Variants in CCDC17 observed in about 807,000 individuals in gnomAD.
CCDC17 encodes the protein coiled-coil domain-containing protein 17.
In CCDC17, 79 loss-of-function variants were observed where a neutral mutation model predicts 68.0. That is an observed-to-expected ratio of 1.16 (90% CI 0.97 to 1.40). CCDC17 has a LOEUF of 1.40. Ranked by LOEUF, CCDC17 falls within the 40% of genes most tolerant of loss-of-function variation. The pLI, the probability that CCDC17 is intolerant of heterozygous loss-of-function variation, is 0.00. For synonymous variants in CCDC17, 376 were observed against 337.5 expected (o/e 1.11, Z -1.25); for missense variants, 846 against 811.5 (o/e 1.04, Z -0.52).
Position 45,623,307 on chromosome 1 carries a change from T to C in CCDC17, c.403A>G (p.Ser135Gly). 6.5e-7 allele frequency: 1 copy of C among 1,549,956 alleles called. No homozygotes were observed. Among genetic ancestry groups the C allele is most frequent in the Non-Finnish European group, 8.7e-7 (1 of 1,146,888 alleles). ...CTGAACAGCGCCCGCAGCCGCTCGC[T>C]GGGGCTTCCCACCGCCTCGGACATG... ...SPMSEAVGSPSERLRALFRTR... is the reference protein window; with the variant it reads ...SPMSEAVGSPGERLRALFRTR... The change falls in exon 3 of 13, where the codon AGC becomes GGC. Residue 135 changes from serine to glycine, a missense_variant. Ser to Gly is a moderately conservative substitution (Grantham distance 56). Coordinates refer to ENST00000528266, the MANE Select transcript of CCDC17 (RefSeq NM_001114938.3).
Position 45,622,615 on chromosome 1 carries a change from C to T in CCDC17, c.793G>A (p.Gly265Ser), listed in dbSNP as rs1170413422. The T allele has an allele frequency of 2.6e-6, 4 of 1,556,800 alleles. No individual in the cohort carries two copies. In the African/African-American group the frequency reaches 4.1e-5, roughly 16 times the overall value. Residue 265 changes from glycine to serine, a missense_variant, in exon 6 of 13, where the codon GGC (glycine) becomes AGC (serine). Gly to Ser is a moderately conservative substitution (Grantham distance 56). Coordinates refer to ENST00000528266, the MANE Select transcript of CCDC17 (RefSeq NM_001114938.3). ...TCCACCTGCAACTGCCATATCTGGC[C>T]CAGCACGCCGGGGTCCCGGCCCCCG... ...RDGGRDPGVLGQIWQLQVEAS... is the reference protein window; with the variant it reads ...RDGGRDPGVLSQIWQLQVEAS...
At position 45,623,541 on chromosome 1, in the gene CCDC17, A is replaced by G. The variant is rs1277504498; in HGVS notation, c.270+16T>C. 3.9e-6 allele frequency: 6 copies of G among 1,548,538 alleles called. No homozygotes were observed. Among genetic ancestry groups the G allele is most frequent in the Non-Finnish European group, 5.2e-6 (6 of 1,146,814 alleles). On this transcript the variant is annotated intron_variant, in intron 2 of 12. Transcript: ENST00000528266. ...GCTCAACGTTTTGAGCCCTGGGGGA[A>G]GGTAGGTAGCTCTACCTCCTCTGTT... is the stretch of plus-strand genomic sequence containing the variant.
chr1:45,622,645 G>T lies in CCDC17; in HGVS notation c.763C>A (p.Arg255=). The T allele has an allele frequency of 6.4e-7, 1 of 1,556,080 alleles. No individual in the cohort carries two copies. Among genetic ancestry groups the T allele is most frequent in the Admixed American group, 1.9e-5 (1 of 51,482 alleles). The change falls in exon 6 of 13, where the codon CGA becomes AGA. Residue 255 remains arginine, a synonymous_variant. Coordinates refer to ENST00000528266, the MANE Select transcript of CCDC17 (RefSeq NM_001114938.3). Reference sequence around the variant, plus strand: ...ACGCCGGGGTCCCGGCCCCCGTCTCGAATGTAGGCCTCCCGCAGCGCCCTA... The same window carrying T: ...ACGCCGGGGTCCCGGCCCCCGTCTCTAATGTAGGCCTCCCGCAGCGCCCTA... ...EIRALREAYI[R]DGGRDPGVLG...
At position 45,620,749 on chromosome 1, in the gene CCDC17, C is replaced by G; in HGVS notation, c.1684G>C (p.Val562Leu). Residue 562 changes from valine to leucine, a missense_variant, in exon 12 of 13, where the codon GTC becomes CTC. By Grantham distance (32) the Val-to-Leu change is conservative. Coordinates refer to ENST00000528266, the MANE Select transcript of CCDC17 (RefSeq NM_001114938.3). ...GGAGGTGGGTACTGGTACTCATGGA[C>G]ACTTGCTGGATTGATCTCTGCCAGT... ...QTLAEINPASVHEYQYPPPVS... is the reference protein window; with the variant it reads ...QTLAEINPASLHEYQYPPPVS... 14 of 1,608,324 alleles carry G rather than the reference C, an allele frequency of 8.7e-6. No homozygotes were observed. Among genetic ancestry groups the G allele is most frequent in the Non-Finnish European group, 1.1e-5 (13 of 1,177,374 alleles).
rs1171146402 is a variant in CCDC17 at position 45,621,462 on chromosome 1, CAT to C, written c.1205_1206del (p.Tyr402Ter). 6.3e-7 allele frequency: 1 copy of C among 1,591,028 alleles called. No homozygotes were observed. The highest frequency in any genetic ancestry group is 8.6e-7 in the Non-Finnish European group (1 of 1,169,324). On this transcript the variant is annotated frameshift_variant, in exon 10 of 13. Coordinates refer to ENST00000528266, the MANE Select transcript of CCDC17 (RefSeq NM_001114938.3). LOFTEE classifies it high-confidence loss of function. ...YDPGAGLVIF[Y>X]DFLRGLEASW... is the part of the protein sequence containing the mutation. ...GAAGCCTCAAGGCCCCGCAGGAAAT[CAT>C]AGAAAATGACCAGGCCAGCCCTGGG...
At position 45,622,830 on chromosome 1, in the gene CCDC17, G is replaced by C. The variant is rs964533115; in HGVS notation, c.661C>G (p.Pro221Ala). 6.3e-7 allele frequency: 1 copy of C among 1,596,862 alleles called. No individual in the cohort carries two copies. The highest frequency in any genetic ancestry group is 2.3e-5 in the East Asian group (1 of 44,146). ...IQELQAEPGN[P>A]LSSRREAELY... ...TCTGCCTCTCGCCGGGAGCTCAGCG[G>C]GTTCCTGGGGTGGCAGGCGACGCGC... The change falls in exon 5 of 13, where the codon CCG becomes GCG. Residue 221 changes from proline to alanine, a missense_variant. Pro to Ala is a conservative substitution (Grantham distance 27, BLOSUM62 -1). Coordinates refer to ENST00000528266, the MANE Select transcript of CCDC17 (RefSeq NM_001114938.3).
At position 45,621,416 on chromosome 1, in the gene CCDC17, C is replaced by T. The variant is rs1644251545; in HGVS notation, c.1253G>A (p.Arg418Lys). The change falls in exon 10 of 13, where the codon AGG (arginine) becomes AAG (lysine). Residue 418 changes from arginine to lysine, a missense_variant. By Grantham distance (26) the Arg-to-Lys change is conservative (BLOSUM62 2). Transcript: ENST00000528266. ...CCGTCCATCGCGTGCCAAGCCAGTC[C>T]TTAGTTGCACCCAAATCCAGGAAGC... ...LEASWIWVQL[R>K]TGLARDGRDT... is the part of the protein sequence containing the mutation. 1.3e-6 allele frequency: 2 copies of T among 1,597,954 alleles called. No homozygotes were observed. The highest frequency in any genetic ancestry group is 3.5e-5 in the Admixed American group (2 of 57,570).
chr1:45,622,789 C>T lies in CCDC17; in HGVS notation c.702G>A (p.Val234=). The change falls in exon 5 of 13, where the codon GTG becomes GTA. Residue 234 remains valine (V), a synonymous_variant. Transcript: ENST00000528266. ...SRREAELYSP[V]QKANPGTLAA... is the part of the protein sequence containing the mutation. Reference sequence around the variant, plus strand: ...CCAGAGTTCCCGGGTTGGCCTTTTGCACTGGAGAATAAAGTTCTGCCTCTC... The same window carrying T: ...CCAGAGTTCCCGGGTTGGCCTTTTGTACTGGAGAATAAAGTTCTGCCTCTC... 1 of 1,602,698 alleles carries T rather than the reference C, an allele frequency of 6.2e-7. No individual in the cohort carries two copies. Among genetic ancestry groups the T allele is most frequent in the South Asian group, 1.1e-5 (1 of 88,900 alleles).
At chr1:45,622,154 G>C in intron 7 of CCDC17, 87 bp downstream of exon 7, 2 of 1,354,386 alleles carry the variant, frequency 1.5e-6, no homozygotes, top group Non-Finnish European at 2.1e-6. Context: ...CACAAACACG[G>C]GTCTTGTTCC....
Position 45,623,099 on chromosome 1 carries a change from T to TG in CCDC17, c.511dup (p.Gln171ProfsTer26), listed in dbSNP as rs1330811384. ...CCCGCCCCGCGTACAGGCCACAACT[T>TG]GGAGGCGTCGGCTCAGTTCTGAGGG... On this transcript the variant is annotated frameshift_variant, in exon 4 of 13. Transcript: ENST00000528266. LOFTEE classifies it high-confidence loss of function. 1.3e-6 allele frequency: 2 copies of TG among 1,578,140 alleles called. No individual in the cohort carries two copies. The highest frequency in any genetic ancestry group is 1.4e-5 in the African/African-American group (1 of 73,720).
chr1:45,623,062 G>GAGGC lies in CCDC17; in HGVS notation c.545_548dup (p.Phe184ProfsTer14). The GAGGC allele has an allele frequency of 2.5e-6, 4 of 1,609,236 alleles. No individual in the cohort carries two copies. The highest frequency in any genetic ancestry group is 3.4e-6 in the Non-Finnish European group (4 of 1,178,010). On this transcript the variant is annotated frameshift_variant, in exon 4 of 13. Transcript: ENST00000528266. LOFTEE classifies it high-confidence loss of function. ...CTCGAATCTCCTGCTCCAGGCCGAAGAGGCGGGACATCCCGCCCCGCGTAC... is the reference window on the plus strand; with the variant it reads ...CTCGAATCTCCTGCTCCAGGCCGAAGAGGCAGGCGGGACATCCCGCCCCGCGTAC...
Position 45,622,586 on chromosome 1 carries a change from C to T in CCDC17, c.822G>A (p.Ala274=). 2 of 1,553,744 alleles carry T rather than the reference C, an allele frequency of 1.3e-6. No homozygotes were observed. Among genetic ancestry groups the T allele is most frequent in the South Asian group, 1.2e-5 (1 of 84,232 alleles). The change falls in exon 6 of 13, where the codon GCG becomes GCA. Residue 274 remains alanine, a synonymous_variant. Coordinates refer to ENST00000528266, the MANE Select transcript of CCDC17 (RefSeq NM_001114938.3). Reference sequence around the variant, plus strand: ...GCGACCGCTGCAGCTCCAGTGCAGACGCCTCCACCTGCAACTGCCATATCT... The same window carrying T: ...GCGACCGCTGCAGCTCCAGTGCAGATGCCTCCACCTGCAACTGCCATATCT... ...LGQIWQLQVE[A]SALELQRSQT...
chr1:45,621,549 G>T, intron 9 of CCDC17, 65 bp from the exon 10 acceptor site: 3 of 1,579,022 alleles, frequency 1.9e-6, no homozygotes, highest in Admixed American at 1.8e-5. Flanking sequence ...TCTCAGGCAG[G>T]TCCCTAACCC....
Position 45,622,806 on chromosome 1 carries a change from C to G in CCDC17, c.685G>C (p.Glu229Gln). ...GNPLSSRREA[E>Q]LYSPVQKANP... ...GCCTTTTGCACTGGAGAATAAAGTT[C>G]TGCCTCTCGCCGGGAGCTCAGCGGG... Residue 229 changes from glutamate to glutamine, a missense_variant, in exon 5 of 13, where the codon GAA becomes CAA. By Grantham distance (29) the Glu-to-Gln change is conservative. Coordinates refer to ENST00000528266, the MANE Select transcript of CCDC17 (RefSeq NM_001114938.3). The G allele has an allele frequency of 6.2e-7, 1 of 1,601,430 alleles. No individual in the cohort carries two copies. Among genetic ancestry groups the G allele is most frequent in the Non-Finnish European group, 8.5e-7 (1 of 1,174,180 alleles).
In CCDC17 at chr1:45,622,227, G is replaced by C; in HGVS notation, c.967+14C>G. ...AGATAAGTGGGATGGGATAGGGTTGGGGTGCTCACTGACCCAAGGGTGCCC... is the reference window on the plus strand; with the variant it reads ...AGATAAGTGGGATGGGATAGGGTTGCGGTGCTCACTGACCCAAGGGTGCCC... On this transcript the variant is annotated intron_variant, in intron 7 of 12. Transcript: ENST00000528266. 1 of 1,605,728 alleles carries C rather than the reference G, an allele frequency of 6.2e-7. No homozygotes were observed. The highest frequency in any genetic ancestry group is 8.5e-7 in the Non-Finnish European group (1 of 1,174,334).
In CCDC17 at chr1:45,620,264, TTCACTTGGGTTCAGAAAC is replaced by T; in HGVS notation, c.1862_*10del. The T allele has an allele frequency of 6.2e-7, 1 of 1,607,140 alleles. No individual in the cohort carries two copies. Among genetic ancestry groups the T allele is most frequent in the Non-Finnish European group, 8.5e-7 (1 of 1,177,882 alleles). ...GCATGTTCAGATGCTCATCTCCACA[TTCACTTGGGTTCAGAAAC>T]TCACTGGGGGCAAGTCAGAACTGTG... On this transcript the variant is annotated stop_lost and 3_prime_UTR_variant, in exon 13 of 13. Coordinates refer to ENST00000528266, the MANE Select transcript of CCDC17 (RefSeq NM_001114938.3).
At chr1:45,621,597 G>T in intron 9 of CCDC17, 41 bp downstream of exon 9, 1 of 1,606,736 alleles carries the variant, frequency 6.2e-7, no homozygotes, top group South Asian at 1.1e-5. Context: ...CAGCAGTGCT[G>T]GCCAAGTCAC....
chr1:45,622,740 C>A lies in CCDC17; in HGVS notation c.740+11G>T. 6.3e-7 allele frequency: 1 copy of A among 1,581,126 alleles called. No individual in the cohort carries two copies. The highest frequency in any genetic ancestry group is 8.6e-7 in the Non-Finnish European group (1 of 1,163,218). ...CTTCGCCCTATGCCCATCTCCGGCC[C>A]CGGCTCTCACCGGATTTCGGCAGCC... is the stretch of plus-strand genomic sequence containing the variant. On this transcript the variant is annotated intron_variant, in intron 5 of 12. Transcript: ENST00000528266.
In CCDC17 at chr1:45,621,331, G is replaced by T; in HGVS notation, c.1338C>A (p.Pro446=). 1 of 1,589,176 alleles carries T rather than the reference G, an allele frequency of 6.3e-7. No individual in the cohort carries two copies. The highest frequency in any genetic ancestry group is 2.3e-5 in the East Asian group (1 of 43,752). Residue 446 remains proline, a synonymous_variant, in exon 10 of 13, where the codon CCC becomes CCA. Transcript: ENST00000528266. ...GGATGGCACAGTTGCCCATGGGCCC[G>T]GGAGCAGGAGGTGGGGGCAGGCAAA... ...PALCLPPPPA[P]GPMGNCAILA...
Sources: gnomAD v4.1 joint callset for allele counts on GRCh38, gnomAD v4.1.1 for gene constraint, MANE v1.5 for transcripts, NCBI Gene and HGNC (gene_info 2026-07-23, HGNC 2026-07-21) for gene names.